Variants in DLG2 observed in about 807,000 individuals in gnomAD.
The protein encoded by DLG2 is discs large MAGUK scaffold protein 2.
DLG2 carries 45 observed loss-of-function variants against 132.5 expected under a neutral mutation model. The ratio of observed to expected loss-of-function variants is 0.34; its 90% CI spans 0.27 to 0.44. The LOEUF (loss-of-function observed/expected upper bound fraction) is 0.44, where lower values mean the gene tolerates loss of function less well. DLG2 is among the 20% of genes least tolerant of loss of function. The probability of loss-of-function intolerance (pLI) is 1.00; values close to 1 mark genes in which losing one functional copy is unlikely to be tolerated. For synonymous variants in DLG2, 424 were observed against 419.6 expected, an observed-to-expected ratio of 1.01 and a Z score of -0.13; for missense variants, 1,045 against 1,196.9, an observed-to-expected ratio of 0.87 and a Z score of 1.87.
intron 12 of DLG2, among the ~76,000 whole-genome samples, chr11:83,974,219 A>T (rs78099548): frequency 6.6e-6 from 1 of 152,012 alleles, no homozygotes; most frequent in East Asian, 1.9e-4. Flanking sequence ...CATATTCGCA[A>T]TGTCTTCAAT....
intron 19 of DLG2, among the ~76,000 whole-genome samples, chr11:83,590,099 A>G (rs914046833): frequency 1.6e-4 from 22 of 136,124 alleles, no homozygotes; most frequent in Non-Finnish European, 2.8e-4. Context: ...GAAGTCAACA[A>G]GGATACCCAG....
At chr11:84,697,600 G>A (rs1003874762) in intron 6 of DLG2, among the ~76,000 whole-genome samples, 2 of 151,276 alleles carry the variant, frequency 1.3e-5, no homozygotes, top group Non-Finnish European at 3.0e-5. Context: ...AGTGTACCAG[G>A]CCTTTTCCAT....
intron 3 of DLG2, among the ~76,000 whole-genome samples, chr11:85,523,381 T>A (rs181672468): frequency 9.6e-4 from 146 of 152,228 alleles, no homozygotes; most frequent in African/African-American, 3.3e-3. Context: ...AACATCTCTA[T>A]AGGAAAAGAC....
At chr11:84,301,396 G>A (rs371614899) in intron 7 of DLG2, among the ~76,000 whole-genome samples, 4 of 152,152 alleles carry the variant, frequency 2.6e-5, no homozygotes, top group South Asian at 2.1e-4. Context: ...GGTGGCTCAC[G>A]CCTGTAATCC....
At chr11:84,730,828 G>A (rs1005872949) in intron 6 of DLG2, among the ~76,000 whole-genome samples, 6 of 151,990 alleles carry the variant, frequency 3.9e-5, no homozygotes, top group Admixed American at 6.6e-5. Flanking sequence ...CATACAGCAA[G>A]TTGAATGATT....
At chr11:84,318,352 A>G (rs1266291293) in intron 7 of DLG2, among the ~76,000 whole-genome samples, 1 of 152,208 alleles carries the variant, frequency 6.6e-6, no homozygotes, top group Non-Finnish European at 1.5e-5. Context: ...GTCTATCCTT[A>G]TCACACATTA....
chr11:85,119,038 T>C (rs2073996522), intron 5 of DLG2, among the ~76,000 whole-genome samples: 1 of 151,930 alleles, frequency 6.6e-6, no homozygotes, highest in Admixed American at 6.6e-5. Context: ...TGAGTCTATA[T>C]TCTTGTATCT....
At chr11:84,400,773 G>A (rs918569707) in intron 7 of DLG2, among the ~76,000 whole-genome samples, 3 of 151,536 alleles carry the variant, frequency 2.0e-5, no homozygotes, top group African/African-American at 7.3e-5. Context: ...TGCTTTTTTT[G>A]TATGTTTAAG....
At chr11:84,785,602 T>C (rs1020159733) in intron 6 of DLG2, among the ~76,000 whole-genome samples, 5 of 152,132 alleles carry the variant, frequency 3.3e-5, no homozygotes, top group South Asian at 2.1e-4. Context: ...GAATTTGAAA[T>C]TGTATAGAAC....
At chr11:84,132,676 A>C (rs2094462703) in intron 9 of DLG2, among the ~76,000 whole-genome samples, 1 of 152,044 alleles carries the variant, frequency 6.6e-6, no homozygotes, top group African/African-American at 2.4e-5. Context: ...GTATCTAATG[A>C]CAGAAGCAGA....
intron 11 of DLG2, among the ~76,000 whole-genome samples, chr11:83,992,123 C>G (rs1416897944): frequency 6.6e-6 from 1 of 152,152 alleles, no homozygotes; most frequent in Non-Finnish European, 1.5e-5. Context: ...AAGTTGTACT[C>G]CAGTAGAACT....
chr11:84,005,132 G>T (rs1905326), intron 11 of DLG2, among the ~76,000 whole-genome samples: 1 of 151,700 alleles, frequency 6.6e-6, no homozygotes. Flanking sequence ...ACTAGGCATG[G>T]TATTGGTATA....
At chr11:83,938,119 A>G (rs2081906378) in intron 14 of DLG2, among the ~76,000 whole-genome samples, 1 of 152,252 alleles carries the variant, frequency 6.6e-6, no homozygotes, top group South Asian at 2.1e-4. Flanking sequence ...CATTCACATG[A>G]CGGTTTATTG....
chr11:85,042,369 T>C (rs2061949600), intron 6 of DLG2, among the ~76,000 whole-genome samples: 1 of 152,034 alleles, frequency 6.6e-6, no homozygotes, highest in Admixed American at 6.6e-5. Context: ...CTAATATTTA[T>C]TCAGAATTTA....
At chr11:85,177,710 T>C (rs143088757) in intron 4 of DLG2, among the ~76,000 whole-genome samples, 1 of 152,234 alleles carries the variant, frequency 6.6e-6, no homozygotes, top group East Asian at 1.9e-4. Context: ...TCTTATGAGA[T>C]TCTTATTAAC....
At chr11:85,339,672 A>C (rs1463316499) in intron 3 of DLG2, among the ~76,000 whole-genome samples, 1 of 152,150 alleles carries the variant, frequency 6.6e-6, no homozygotes. Context: ...TTTTTCAAAA[A>C]TTTTTATTGG....
intron 6 of DLG2, among the ~76,000 whole-genome samples, chr11:84,830,438 G>T (rs1365684146): frequency 6.6e-6 from 1 of 151,050 alleles, no homozygotes; most frequent in African/African-American, 2.4e-5. Flanking sequence ...AGGAAAGTGT[G>T]TTGGAGGTGA....
At chr11:83,938,979 T>C (rs774487087) in intron 14 of DLG2, among the ~76,000 whole-genome samples, 2 of 152,230 alleles carry the variant, frequency 1.3e-5, no homozygotes, top group African/African-American at 2.4e-5. Context: ...TTCTACCTGA[T>C]AGCTTCTTCT....
At position 84,827,264 on chromosome 11, in the gene DLG2, T is replaced by C. The variant is rs144486496; in HGVS notation, c.357+284397A>G. ...CTACACCGTGTTCGAGGGGGCATCA[T>C]GGTAATAAAATGGGCTAGATAGGAC... On this transcript the variant is annotated intron_variant, in intron 6 of 27. Coordinates refer to ENST00000376104, the MANE Select transcript of DLG2 (RefSeq NM_001142699.3). Among the ~76,000 whole-genome samples, 4 of 151,632 alleles carry C rather than the reference T, an allele frequency of 2.6e-5. No homozygotes were observed. In the East Asian group the frequency reaches 7.9e-4, roughly 30 times the overall value.
Sources: gnomAD v4.1 joint callset for allele counts (sites outside exome capture counted in the v4.1 genomes callset) on GRCh38, gnomAD v4.1.1 for gene constraint, MANE v1.5 for transcripts, NCBI Gene and HGNC (gene_info 2026-07-23, HGNC 2026-07-21) for gene names.